Variants in AKAP9 observed in about 807,000 individuals in gnomAD.
The protein encoded by AKAP9 is A-kinase anchoring protein 9, also known as A-kinase anchor protein 9.
A neutral mutation model predicts 488.5 loss-of-function variants in AKAP9; 311 were observed. The observed-to-expected ratio is 0.64, with a 90% CI of 0.58 to 0.70. The LOEUF (loss-of-function observed/expected upper bound fraction) is 0.70, where lower values mean the gene tolerates loss of function less well. Among genes scored for constraint, AKAP9 ranks in the 30% least tolerant of loss-of-function variants. The pLI, the probability that AKAP9 is intolerant of heterozygous loss-of-function variation, is 0.00. For synonymous variants in AKAP9, 1,462 were observed against 1,483.5 expected (o/e 0.99, Z 0.33); for missense variants, 4,215 against 4,374.5 (o/e 0.96, Z 1.03).
rs377560937 is a variant in AKAP9 at position 92,045,201 on chromosome 7, G to A, written c.5356G>A (p.Glu1786Lys). 14 of 1,613,526 alleles carry A rather than the reference G, an allele frequency of 8.7e-6. No homozygotes were observed. In the African/African-American group the frequency reaches 9.4e-5, roughly 11 times the overall value. Residue 1786 changes from glutamate to lysine, a missense_variant, in exon 21 of 50, where the codon GAA becomes AAA. Coordinates refer to ENST00000356239, the MANE Select transcript of AKAP9 (RefSeq NM_005751.5). ...EASVKSCVHE[E>K]HTRVTDESIP... ...ATCTGTAAAGTCATGTGTCCATGAG[G>A]AACATACAAGAGGTACTAGTTTTCT...
At chr7:91,953,661 A>C (rs1047792730) in intron 1 of AKAP9, among the ~76,000 whole-genome samples, 3 of 152,224 alleles carry the variant, frequency 2.0e-5, no homozygotes, top group Non-Finnish European at 4.4e-5. Flanking sequence ...ATTAAGCTAT[A>C]TAGCAGAAAA....
At chr7:92,071,386 TG>T (rs1182528156) in intron 28 of AKAP9, among the ~76,000 whole-genome samples, 15 of 145,438 alleles carry the variant, frequency 1.0e-4, no homozygotes, top group African/African-American at 3.9e-4. Flanking sequence ...CTTTGCTGTG[TG>T]GTTTTTTTTT....
chr7:92,079,849 A>G lies in AKAP9; in HGVS notation c.7716A>G (p.Gln2572=). Residue 2572 remains glutamine (Q), a synonymous_variant, in exon 31 of 50, where the codon CAA becomes CAG. Coordinates refer to ENST00000356239, the MANE Select transcript of AKAP9 (RefSeq NM_005751.5). ...EAVQEYAKFC[Q]DNQTISSEPE... Reference sequence around the variant, plus strand: ...TTCAGGAATATGCAAAATTCTGTCAAGATAATCAAACAATTTCATCAGAAC... The same window carrying G: ...TTCAGGAATATGCAAAATTCTGTCAGGATAATCAAACAATTTCATCAGAAC... 6.2e-7 allele frequency: 1 copy of G among 1,614,158 alleles called. No individual in the cohort carries two copies. Among genetic ancestry groups the G allele is most frequent in the South Asian group, 1.1e-5 (1 of 91,082 alleles).
intron 1 of AKAP9, among the ~76,000 whole-genome samples, chr7:91,965,191 C>G (rs1794283404): frequency 1.3e-5 from 2 of 152,158 alleles, no homozygotes. Flanking sequence ...TTCATCTTCT[C>G]CACCTTCCTA....
intron 12 of AKAP9, among the ~76,000 whole-genome samples, chr7:92,021,140 A>G (rs999363806): frequency 1.3e-5 from 2 of 152,180 alleles, no homozygotes; most frequent in Admixed American, 6.5e-5. Flanking sequence ...TTCCCAAATC[A>G]TTACCAGAAA....
At chr7:92,030,028 A>G (rs749703600) in intron 15 of AKAP9, 37 bp downstream of exon 15, 4 of 1,344,474 alleles carry the variant, frequency 3.0e-6, no homozygotes, top group Non-Finnish European at 4.2e-6. Flanking sequence ...TAACTGTTAT[A>G]TACACTGATT....
intron 1 of AKAP9, among the ~76,000 whole-genome samples, chr7:91,967,356 T>C (rs968846155): frequency 1.3e-5 from 2 of 152,142 alleles, no homozygotes; most frequent in Non-Finnish European, 2.9e-5. Context: ...GTATGTTGCA[T>C]GAAAGTGGAC....
In AKAP9 at chr7:92,012,570, C is replaced by G. The variant is rs368522984; in HGVS notation, c.3460C>G (p.Gln1154Glu). The G allele has an allele frequency of 6.2e-7, 1 of 1,613,500 alleles. No homozygotes were observed. The highest frequency in any genetic ancestry group is 1.3e-5 in the African/African-American group (1 of 74,822). The change falls in exon 9 of 50, where the codon CAA (glutamine) becomes GAA (glutamate). Residue 1154 changes from glutamine to glutamate, a missense_variant. Physicochemically the swap from Gln to Glu is conservative, Grantham distance 29. Coordinates refer to ENST00000356239, the MANE Select transcript of AKAP9 (RefSeq NM_005751.5). ...CSLKEELIFA[Q>E]EEKIKELQKI... ...TCTTAAAGAAGAGCTTATTTTTGCT[C>G]AAGAGGAAAAGATCAAGGAACTTCA...
chr7:92,100,246 G>C (rs988023717), intron 44 of AKAP9, among the ~76,000 whole-genome samples: 1 of 152,096 alleles, frequency 6.6e-6, no homozygotes, highest in Non-Finnish European at 1.5e-5. Flanking sequence ...AATCCTGACT[G>C]TTCTCTTCAT....
At chr7:91,969,840 G>A (rs1794838190) in intron 1 of AKAP9, among the ~76,000 whole-genome samples, 2 of 152,018 alleles carry the variant, frequency 1.3e-5, no homozygotes, top group African/African-American at 4.8e-5. Context: ...TTATGGTTGG[G>A]TCTTACTTCT....
intron 14 of AKAP9, 146 bp downstream of exon 14, chr7:92,023,155 G>C (rs967792511): frequency 7.5e-6 from 6 of 803,324 alleles, no homozygotes; most frequent in Non-Finnish European, 1.3e-5. Flanking sequence ...AGAAGAGCAA[G>C]AGATCATTCT....
In AKAP9 at chr7:92,100,945, C is replaced by T; in HGVS notation, c.10986C>T (p.Leu3662=). Residue 3662 remains leucine, a synonymous_variant, in exon 45 of 50, where the codon CTC becomes CTT. Coordinates refer to ENST00000356239, the MANE Select transcript of AKAP9 (RefSeq NM_005751.5). The part of the protein sequence containing the change: ...KEVWNREKLT[L]QKSLKRAEAE... Reference sequence around the variant, plus strand: ...TATGGAACAGAGAAAAATTGACTCTCCAGAAATCTTTGAAAAGGGCAGAGG... The same window carrying T: ...TATGGAACAGAGAAAAATTGACTCTTCAGAAATCTTTGAAAAGGGCAGAGG... 3 of 1,614,094 alleles carry T rather than the reference C, an allele frequency of 1.9e-6. No individual in the cohort carries two copies. The highest frequency in any genetic ancestry group is 1.3e-5 in the African/African-American group (1 of 75,008).
intron 1 of AKAP9, among the ~76,000 whole-genome samples, chr7:91,952,981 T>C (rs1263369337): frequency 6.6e-6 from 1 of 152,150 alleles, no homozygotes; most frequent in East Asian, 1.9e-4. Context: ...CCCACCTGGC[T>C]TATTGATGAG....
At chr7:92,029,447 T>G (rs1449616259) in intron 14 of AKAP9, among the ~76,000 whole-genome samples, 1 of 152,202 alleles carries the variant, frequency 6.6e-6, no homozygotes, top group Non-Finnish European at 1.5e-5. Context: ...TTTTACAAAC[T>G]TTTTTAAAGT....
chr7:92,003,054 CAA>C lies in AKAP9; in HGVS notation c.3141_3142del (p.Lys1047AsnfsTer6). 1 of 1,612,966 alleles carries C rather than the reference CAA, an allele frequency of 6.2e-7. No individual in the cohort carries two copies. On this transcript the variant is annotated frameshift_variant, in exon 8 of 50. Transcript: ENST00000356239. LOFTEE classifies it high-confidence loss of function. ...GTAAATAAAAGTTTTGGTGAAGAAT[CAA>C]AAATAATGGTGGAAGATAAAGTTTC... is the stretch of plus-strand genomic sequence containing the variant.
intron 29 of AKAP9, among the ~76,000 whole-genome samples, chr7:92,077,272 T>C (rs1031912758): frequency 1.3e-5 from 2 of 151,902 alleles, no homozygotes; most frequent in African/African-American, 4.8e-5. Context: ...TTTGTATTTT[T>C]AGTAGAGATG....
At chr7:92,076,743 G>A (rs1812646336) in intron 28 of AKAP9, 112 bp from the exon 29 acceptor site, 1 of 616,844 alleles carries the variant, frequency 1.6e-6, no homozygotes, top group African/African-American at 1.9e-5. Context: ...TTATTCTTAT[G>A]ACTCATGTTT....
chr7:91,948,671 G>A (rs1449225458), intron 1 of AKAP9, among the ~76,000 whole-genome samples: 3 of 147,746 alleles, frequency 2.0e-5, no homozygotes, highest in Non-Finnish European at 3.0e-5. Context: ...GAGTGCAATG[G>A]CGCAACCTCA....
chr7:92,101,066 A>C lies in AKAP9; in HGVS notation c.11097+10A>C, dbSNP rs1185427700. 14 of 1,611,150 alleles carry C rather than the reference A, an allele frequency of 8.7e-6. No homozygotes were observed. Among genetic ancestry groups the C allele is most frequent in the Non-Finnish European group, 1.2e-5 (14 of 1,179,144 alleles). On this transcript the variant is annotated intron_variant, in intron 45 of 49. Coordinates refer to ENST00000356239, the MANE Select transcript of AKAP9 (RefSeq NM_005751.5). ...ACATGTCACTTTAAAGGTAGGAGACATCTCCCATCTAAACATCACAGCTGG... is the reference window on the plus strand; with the variant it reads ...ACATGTCACTTTAAAGGTAGGAGACCTCTCCCATCTAAACATCACAGCTGG...
Sources: allele counts gnomAD v4.1 joint callset (sites outside exome capture counted in the v4.1 genomes callset), GRCh38; gene constraint gnomAD v4.1.1; transcripts MANE v1.5; gene names NCBI Gene and HGNC (gene_info 2026-07-23, HGNC 2026-07-21).